Variants in DOCK3 observed in about 807,000 individuals in gnomAD.
DOCK3 encodes dedicator of cytokinesis protein 3.
A neutral mutation model predicts 265.6 loss-of-function variants in DOCK3; 60 were observed. The ratio of observed to expected loss-of-function variants is 0.23; its 90% CI spans 0.18 to 0.28. DOCK3 has a LOEUF of 0.28. DOCK3 is among the 10% of genes least tolerant of loss of function. The probability of loss-of-function intolerance (pLI) is 1.00; values close to 1 mark genes in which losing one functional copy is unlikely to be tolerated. For synonymous variants in DOCK3, 881 were observed against 938.0 expected (o/e 0.94, Z 1.11); for missense variants, 1,981 against 2,594.3 (o/e 0.76, Z 5.14).
chr3:50,686,243 G>A (rs1442738537), intron 1 of DOCK3, among the ~76,000 whole-genome samples: 2 of 151,944 alleles, frequency 1.3e-5, no homozygotes, highest in Non-Finnish European at 2.9e-5. Flanking sequence ...CCTTAATCTC[G>A]CTTTGGTTGC....
chr3:50,881,026 C>T (rs1186775243), intron 3 of DOCK3, among the ~76,000 whole-genome samples: 1 of 152,126 alleles, frequency 6.6e-6, no homozygotes, highest in East Asian at 1.9e-4. Context: ...AAGACAAAAT[C>T]CACATGATTA....
chr3:50,847,021 C>T (rs1326826390), intron 3 of DOCK3, among the ~76,000 whole-genome samples: 1 of 152,102 alleles, frequency 6.6e-6, no homozygotes, highest in African/African-American at 2.4e-5. Context: ...TTTTCTTCTG[C>T]TATCTTTGGG....
At chr3:51,050,501 A>T (rs1284546124) in intron 5 of DOCK3, among the ~76,000 whole-genome samples, 1 of 152,204 alleles carries the variant, frequency 6.6e-6, no homozygotes, top group African/African-American at 2.4e-5. Flanking sequence ...ATATATATAG[A>T]TATATACATA....
intron 5 of DOCK3, among the ~76,000 whole-genome samples, chr3:50,989,287 T>C (rs2078017457): frequency 6.6e-6 from 1 of 152,188 alleles, no homozygotes; most frequent in African/African-American, 2.4e-5. Flanking sequence ...CTTCCTCTGC[T>C]GCCTCCAAGT....
chr3:50,855,541 A>T (rs2046548575), intron 3 of DOCK3, among the ~76,000 whole-genome samples: 1 of 152,210 alleles, frequency 6.6e-6, no homozygotes, highest in Non-Finnish European at 1.5e-5. Flanking sequence ...GAAGTAATTT[A>T]TCAGGACTAG....
At chr3:51,251,265 T>C (rs2079214004) in intron 22 of DOCK3, among the ~76,000 whole-genome samples, 1 of 152,212 alleles carries the variant, frequency 6.6e-6, no homozygotes, top group African/African-American at 2.4e-5. Context: ...ATCCAGTCTA[T>C]CATTGATGGA....
chr3:51,262,408 G>A (rs563523070), intron 23 of DOCK3, among the ~76,000 whole-genome samples: 26 of 152,198 alleles, frequency 1.7e-4, no homozygotes, highest in African/African-American at 5.3e-4. Context: ...AACCCTATCC[G>A]AAGGTCAACA....
chr3:51,336,682 A>G (rs2084900177), intron 35 of DOCK3, among the ~76,000 whole-genome samples: 1 of 152,232 alleles, frequency 6.6e-6, no homozygotes, highest in African/African-American at 2.4e-5. Context: ...ACACAAAAAA[A>G]GAGTCTGCTG....
At chr3:51,170,541 G>GT (rs1343000644) in intron 12 of DOCK3, among the ~76,000 whole-genome samples, 4 of 152,048 alleles carry the variant, frequency 2.6e-5, no homozygotes, top group Admixed American at 2.6e-4. Flanking sequence ...GTACATAGAA[G>GT]TTTGTTATGA....
intron 5 of DOCK3, among the ~76,000 whole-genome samples, chr3:51,029,652 C>G (rs2079967003): frequency 1.3e-5 from 2 of 152,200 alleles, no homozygotes; most frequent in Admixed American, 1.3e-4. Flanking sequence ...CCTCCTCCTT[C>G]CCTTAGGTGC....
intron 32 of DOCK3, among the ~76,000 whole-genome samples, chr3:51,320,911 T>A (rs1013125958): frequency 6.6e-6 from 1 of 152,108 alleles, no homozygotes; most frequent in South Asian, 2.1e-4. Flanking sequence ...TCAGCAGACT[T>A]AAACGTCCCT....
At chr3:50,942,816 T>G (rs1054179267) in intron 5 of DOCK3, among the ~76,000 whole-genome samples, 16 of 152,022 alleles carry the variant, frequency 1.1e-4, no homozygotes, top group African/African-American at 3.1e-4. Flanking sequence ...AACTACAAAT[T>G]TTTTGAAATC....
At chr3:51,274,890 C>T (rs1335024607) in intron 24 of DOCK3, among the ~76,000 whole-genome samples, 189 bp from the exon 25 acceptor site, 2 of 152,160 alleles carry the variant, frequency 1.3e-5, no homozygotes, top group Non-Finnish European at 2.9e-5. Context: ...AGAATAATGT[C>T]ATGTGATGGC....
At chr3:51,368,341 G>A (rs986002539) in intron 49 of DOCK3, among the ~76,000 whole-genome samples, 3 of 152,130 alleles carry the variant, frequency 2.0e-5, no homozygotes, top group East Asian at 1.9e-4. Flanking sequence ...CTGGAAAATC[G>A]GGACACTCCC....
intron 1 of DOCK3, among the ~76,000 whole-genome samples, chr3:50,740,505 A>G (rs2038946422): frequency 6.6e-6 from 1 of 152,160 alleles, no homozygotes; most frequent in Non-Finnish European, 1.5e-5. Flanking sequence ...TAAGAATTCC[A>G]GTTCTTCCAC....
At chr3:51,089,826 C>T (rs192804453) in intron 8 of DOCK3, among the ~76,000 whole-genome samples, 5 of 140,694 alleles carry the variant, frequency 3.6e-5, no homozygotes, top group Admixed American at 2.3e-4. Context: ...TGCTTGAACC[C>T]GGGAGTAGAG....
At chr3:51,170,512 A>G (rs944464144) in intron 12 of DOCK3, among the ~76,000 whole-genome samples, 1 of 151,988 alleles carries the variant, frequency 6.6e-6, no homozygotes, top group South Asian at 2.1e-4. Context: ...TAGGTTATCT[A>G]ATTTCTTAAC....
At chr3:50,718,081 T>C (rs1386230140) in intron 1 of DOCK3, among the ~76,000 whole-genome samples, 1 of 152,258 alleles carries the variant, frequency 6.6e-6, no homozygotes, top group East Asian at 1.9e-4. Context: ...GTACCTTTAA[T>C]CTGCCTCTCA....
intron 9 of DOCK3, among the ~76,000 whole-genome samples, chr3:51,137,253 A>G (rs945557626): frequency 4.6e-5 from 7 of 152,222 alleles, no homozygotes; most frequent in African/African-American, 7.2e-5. Context: ...CTGTTGGGTC[A>G]TACAGTGTAG....
Sources: gnomAD v4.1 joint callset for allele counts (sites outside exome capture counted in the v4.1 genomes callset) on GRCh38, gnomAD v4.1.1 for gene constraint, MANE v1.5 for transcripts, NCBI Gene and HGNC (gene_info 2026-07-23, HGNC 2026-07-21) for gene names.